APBB2: variants seen among roughly 807,000 people sequenced by gnomAD.
APBB2 encodes the protein Fe65-like 1.
Under a neutral mutation model 82.5 loss-of-function variants are expected in APBB2, and 38 were observed. That is an observed-to-expected ratio of 0.46 (90% CI 0.36 to 0.60). APBB2 has a LOEUF of 0.60. Ranked by LOEUF, APBB2 falls within the 20% of genes least tolerant of loss-of-function variation. The probability of loss-of-function intolerance (pLI) is 0.00; values close to 1 mark genes in which losing one functional copy is unlikely to be tolerated. For missense variants in APBB2, 772 were observed against 972.3 expected, an observed-to-expected ratio of 0.79 and a Z score of 2.74; for synonymous variants, 341 against 368.2, an observed-to-expected ratio of 0.93 and a Z score of 0.85.
At chr4:40,867,479 C>G (rs1560746059) in intron 12 of APBB2, among the ~76,000 whole-genome samples, 1 of 152,122 alleles carries the variant, frequency 6.6e-6, no homozygotes, top group Non-Finnish European at 1.5e-5. Flanking sequence ...TGAGTGAACT[C>G]AATTATAAGA....
Position 41,013,784 on chromosome 4 carries a change from T to G in APBB2, c.634A>C (p.Asn212His). 6.2e-7 allele frequency: 1 copy of G among 1,614,200 alleles called. No homozygotes were observed. The highest frequency in any genetic ancestry group is 1.3e-5 in the African/African-American group (1 of 75,050). The change falls in exon 6 of 18, where the codon AAC becomes CAC. Residue 212 changes from asparagine to histidine, a missense_variant. Physicochemically the swap from Asn to His is moderately conservative, Grantham distance 68. Coordinates refer to ENST00000508593, the MANE Select transcript of APBB2 (RefSeq NM_004307.2). ...GNGDLLLQKPNRPQSSPEDGQ... is the reference protein window; with the variant it reads ...GNGDLLLQKPHRPQSSPEDGQ... ...TCTTCAGGGCTGGACTGGGGTCTGT[T>G]TGGTTTCTGCAGCAGCAAATCGCCA...
chr4:41,108,759 C>T (rs904411804), intron 2 of APBB2, among the ~76,000 whole-genome samples: 4 of 152,232 alleles, frequency 2.6e-5, no homozygotes, highest in African/African-American at 9.6e-5. Flanking sequence ...CAGCCTTCAG[C>T]AGTCCCTGAA....
chr4:40,994,057 A>G (rs1802915078), intron 6 of APBB2, among the ~76,000 whole-genome samples: 1 of 152,142 alleles, frequency 6.6e-6, no homozygotes. Context: ...TGGGAGGCCA[A>G]GGCAGGCAGA....
chr4:40,961,673 A>AGTT (rs1793313108), intron 6 of APBB2, among the ~76,000 whole-genome samples: 1 of 32,056 alleles, frequency 3.1e-5, no homozygotes, highest in African/African-American at 1.4e-4. Flanking sequence ...GATGTAAAAA[A>AGTT]AAAAAAAAAA....
intron 7 of APBB2, among the ~76,000 whole-genome samples, chr4:40,939,246 A>G (rs549033991): frequency 6.6e-6 from 1 of 152,314 alleles, no homozygotes; most frequent in African/African-American, 2.4e-5. Flanking sequence ...TGGGGTTCAA[A>G]TTCTGCCTCT....
At chr4:40,938,880 G>A (rs1281122623) in intron 7 of APBB2, among the ~76,000 whole-genome samples, 1 of 152,216 alleles carries the variant, frequency 6.6e-6, no homozygotes, top group Admixed American at 6.5e-5. Context: ...AAACACCAAT[G>A]TTGCAGTATT....
At chr4:40,988,001 C>T (rs1260995002) in intron 6 of APBB2, among the ~76,000 whole-genome samples, 1 of 152,166 alleles carries the variant, frequency 6.6e-6, no homozygotes, top group African/African-American at 2.4e-5. Flanking sequence ...CTCAAAACCT[C>T]GCTGTCCTTG....
intron 6 of APBB2, among the ~76,000 whole-genome samples, chr4:40,967,633 C>T (rs1398405219): frequency 2.6e-5 from 4 of 152,190 alleles, no homozygotes; most frequent in African/African-American, 4.8e-5. Flanking sequence ...GTGCAGTGGC[C>T]GGACCCCATG....
intron 12 of APBB2, among the ~76,000 whole-genome samples, chr4:40,878,504 T>A (rs1767502672): frequency 6.6e-6 from 1 of 152,162 alleles, no homozygotes; most frequent in South Asian, 2.1e-4. Flanking sequence ...AGCATCCATC[T>A]TCATCCACTG....
intron 16 of APBB2, among the ~76,000 whole-genome samples, chr4:40,822,763 C>A (rs960065257): frequency 6.6e-6 from 1 of 152,148 alleles, no homozygotes; most frequent in Non-Finnish European, 1.5e-5. Context: ...CACTCTAGTG[C>A]CTTGGGAGTG....
rs1429266698 is a variant in APBB2 at position 40,934,440 on chromosome 4, G to T, written c.1254+16C>A. The T allele has an allele frequency of 5.6e-6, 9 of 1,611,702 alleles. No individual in the cohort carries two copies. In the East Asian group the frequency reaches 6.7e-5, roughly 12 times the overall value. On this transcript the variant is annotated intron_variant, in intron 10 of 17. Transcript: ENST00000508593. Reference sequence around the variant, plus strand: ...TAAGAATATAACCTGGTGGCTGAAAGCAAGTCTTTACAAACCTTGGCTTCT... The same window carrying T: ...TAAGAATATAACCTGGTGGCTGAAATCAAGTCTTTACAAACCTTGGCTTCT...
chr4:40,870,373 C>CT (rs1196254779), intron 12 of APBB2, among the ~76,000 whole-genome samples: 3 of 152,202 alleles, frequency 2.0e-5, no homozygotes, highest in Non-Finnish European at 4.4e-5. Context: ...CATTTAATAT[C>CT]TTACAACCAA....
At chr4:40,982,048 G>A (rs532862740) in intron 6 of APBB2, among the ~76,000 whole-genome samples, 2 of 150,996 alleles carry the variant, frequency 1.3e-5, no homozygotes, top group South Asian at 4.2e-4. Context: ...AGTTGGGCGT[G>A]GTAGCACATG....
rs1752565377 is a variant in APBB2, at chr4:40,832,994, G to C, written c.1530-2417C>G. On this transcript the variant is annotated intron_variant, in intron 12 of 17. Coordinates refer to ENST00000508593, the MANE Select transcript of APBB2 (RefSeq NM_004307.2). This position sits in a 1 kb window ranked among gnomAD's most constrained non-coding sequence, Gnocchi z 4.8. ...GCAAGTCACTGGGCCGAGACTTTGA[G>C]GGGTGAGCACAGTCTTCTCCACACT... 6.6e-6 allele frequency among the ~76,000 whole-genome samples: 1 copy of C among 152,160 alleles called. No homozygotes were observed. The highest frequency in any genetic ancestry group is 2.4e-5 in the African/African-American group (1 of 41,446).
At chr4:40,877,785 C>T (rs1767293088) in intron 12 of APBB2, among the ~76,000 whole-genome samples, 1 of 152,024 alleles carries the variant, frequency 6.6e-6, no homozygotes, top group Non-Finnish European at 1.5e-5. Flanking sequence ...AGGGAGGAGG[C>T]AAGAAGGATT....
chr4:41,006,002 C>T (rs1310195381), intron 6 of APBB2, among the ~76,000 whole-genome samples: 2 of 152,172 alleles, frequency 1.3e-5, no homozygotes, highest in Non-Finnish European at 2.9e-5. Flanking sequence ...TGCTCATTAA[C>T]CATTGTTAGA....
At chr4:41,004,566 C>A (rs62412094) in intron 6 of APBB2, among the ~76,000 whole-genome samples, 6,982 of 151,172 alleles carry the variant, frequency 0.046, 340 homozygotes, top group African/African-American at 0.13. Context: ...TGTGGCCGGG[C>A]ACGATGGTTC....
Position 41,125,739 on chromosome 4 carries a change from T to C in APBB2, c.-261+17248A>G, listed in dbSNP as rs142593076. The stretch of plus-strand genomic sequence containing the variant: ...GCCAATGGTTTTCCAACTCCTACTG[T>C]AAGTAACATACACCCTACACATTTA... On this transcript the variant is annotated intron_variant, in intron 2 of 17. Coordinates refer to ENST00000508593, the MANE Select transcript of APBB2 (RefSeq NM_004307.2). Among the ~76,000 whole-genome samples, 217 of 152,314 alleles carry C rather than the reference T, an allele frequency of 1.4e-3. 1 individual carries two copies. Among genetic ancestry groups the C allele is most frequent in the African/African-American group, 5.1e-3 (210 of 41,556 alleles).
At chr4:40,907,375 ATATATTTTTTTTTT>A (rs1421133770) in intron 10 of APBB2, among the ~76,000 whole-genome samples, 6 of 32,514 alleles carry the variant, frequency 1.8e-4, no homozygotes, top group African/African-American at 9.7e-4. Flanking sequence ...ATATATATAT[ATATATTTTTTTTTT>A]TTTTTTTTTT....
Sources: gnomAD v4.1 joint callset for allele counts (sites outside exome capture counted in the v4.1 genomes callset) on GRCh38, gnomAD v4.1.1 for gene constraint, Gnocchi (gnomAD v3.1) non-coding constraint, MANE v1.5 for transcripts, NCBI Gene and HGNC (gene_info 2026-07-23, HGNC 2026-07-21) for gene names.